The following ZC3H13 variants were observed in gnomAD, a reference collection of about 807,000 sequenced individuals.
The protein encoded by ZC3H13 is zinc finger CCCH-type containing 13.
In ZC3H13, 64 loss-of-function variants were observed where a neutral mutation model predicts 204.1. That is an observed-to-expected ratio of 0.31 (90% confidence interval 0.26 to 0.39). ZC3H13 has a LOEUF of 0.39. Ranked by LOEUF, ZC3H13 falls within the 10% of genes least tolerant of loss-of-function variation. The probability of loss-of-function intolerance (pLI) is 1.00; values close to 1 mark genes in which losing one functional copy is unlikely to be tolerated. For synonymous variants in ZC3H13, 667 were observed against 693.7 expected (o/e 0.96, Z 0.60); for missense variants, 1,833 against 2,082.7 (o/e 0.88, Z 2.33).
intron 15 of ZC3H13, among the ~76,000 whole-genome samples, chr13:45,966,446 A>G (rs1952092677): frequency 6.6e-6 from 1 of 152,132 alleles, no homozygotes; most frequent in African/African-American, 2.4e-5. Context: ...ACATAATAGG[A>G]TTTTCAACTT....
At position 45,958,325 on chromosome 13, in the gene ZC3H13, G is replaced by T. The variant is rs146746686; in HGVS notation, c.4840-1028C>A. Among the ~76,000 whole-genome samples, 5 of 152,256 alleles carry T rather than the reference G, an allele frequency of 3.3e-5. No homozygotes were observed. In the South Asian group the frequency reaches 6.2e-4, roughly 19 times the overall value. ...CCTAACTGCCCCAAGTAAAAAGCTA[G>T]TGAAGTTAACCATTTTATCATTACT... is the stretch of plus-strand genomic sequence containing the variant. On this transcript the variant is annotated intron_variant, in intron 18 of 18. Coordinates refer to ENST00000679008, the MANE Select transcript of ZC3H13 (RefSeq NM_001330564.2).
intron 12 of ZC3H13, among the ~76,000 whole-genome samples, chr13:45,973,283 T>TA (rs1286538475): frequency 6.6e-6 from 1 of 152,216 alleles, no homozygotes; most frequent in Admixed American, 6.5e-5. Flanking sequence ...TAAGAGCAGT[T>TA]AAAAAAAGTG....
rs976431396 is a variant in ZC3H13, at chr13:46,045,005, G to A, written c.177C>T (p.Phe59=). The part of the protein sequence containing the change: ...GNCLYGNTCR[F]VHGPSPRGKG... The stretch of plus-strand genomic sequence containing the variant: ...TACCACGAGGTGAAGGGCCATGTAC[G>A]AATCTACATGTGTTTCCATAGAGGC... The change falls in exon 3 of 19, where the codon TTC becomes TTT. Residue 59 remains phenylalanine, a synonymous_variant. Transcript: ENST00000679008. 5.0e-6 allele frequency: 8 copies of A among 1,613,426 alleles called. No homozygotes were observed. Among genetic ancestry groups the A allele is most frequent in the African/African-American group, 1.3e-5 (1 of 74,960 alleles).
intron 4 of ZC3H13, 31 bp downstream of exon 4, chr13:46,042,133 T>C (rs1253405660): frequency 6.4e-7 from 1 of 1,552,700 alleles, no homozygotes; most frequent in Non-Finnish European, 8.9e-7. Context: ...ACTACTGAAG[T>C]TGAACTTTGT....
intron 1 of ZC3H13, among the ~76,000 whole-genome samples, chr13:46,046,590 C>A (rs1335755697): frequency 6.6e-6 from 1 of 151,282 alleles, no homozygotes; most frequent in Non-Finnish European, 1.5e-5. Flanking sequence ...ATAGCATGAA[C>A]CCAGGAGGCA....
chr13:45,966,736 G>C (rs1593459749), intron 15 of ZC3H13, among the ~76,000 whole-genome samples: 1 of 152,178 alleles, frequency 6.6e-6, no homozygotes, highest in South Asian at 2.1e-4. Context: ...AATGTGAAGA[G>C]ATGAATTTGA....
At chr13:45,962,038 T>G in intron 17 of ZC3H13, 1 of 369,092 alleles carries the variant, frequency 2.7e-6, no homozygotes, top group Non-Finnish European at 3.7e-6. Flanking sequence ...TCTTTCATGT[T>G]GGTACACTTG....
rs758846200 is a variant in ZC3H13, at chr13:45,969,028, G to T, written c.3516C>A (p.His1172Gln). ...RTRVEKVETP[H>Q]VTIEDAQHRK... is the part of the protein sequence containing the mutation. ...GATGCTGTGCATCTTCTATAGTCAC[G>T]TGAGGCGTCTCTACTTTTTCTACTC... Residue 1172 changes from histidine (H) to glutamine (Q), a missense_variant, in exon 14 of 19, where the codon CAC becomes CAA. Around this residue, in one of 5 missense-constraint regions of ZC3H13, gnomAD observed 1,574 missense variants for 1,757.2 expected, o/e 0.90. Transcript: ENST00000679008. 6.2e-7 allele frequency: 1 copy of T among 1,614,176 alleles called. No homozygotes were observed.
chr13:46,006,175 C>T (rs970533158), intron 7 of ZC3H13, among the ~76,000 whole-genome samples: 1 of 151,858 alleles, frequency 6.6e-6, no homozygotes, highest in Non-Finnish European at 1.5e-5. Flanking sequence ...GGAACTGACT[C>T]AGCACAAGAA....
At position 45,969,954 on chromosome 13, in the gene ZC3H13, A is replaced by G. The variant is rs760230567; in HGVS notation, c.2590T>C (p.Leu864=). Residue 864 remains leucine, a synonymous_variant, in exon 14 of 19, where the codon TTG becomes CTG. Transcript: ENST00000679008. ...GDDKNEKHRL[L]SQVVRPQESR... is the part of the protein sequence containing the mutation. ...TCTTGAGGTCGTACAACTTGGCTCA[A>G]GAGTCTGTGTTTTTCATCTATATAA... 2.1e-5 allele frequency: 34 copies of G among 1,609,592 alleles called. No homozygotes were observed. The highest frequency in any genetic ancestry group is 2.7e-5 in the Non-Finnish European group (32 of 1,178,982).
Position 45,970,374 on chromosome 13 carries a change from C to A in ZC3H13, c.2560G>T (p.Gly854Ter). The A allele has an allele frequency of 6.2e-7, 1 of 1,613,662 alleles. No individual in the cohort carries two copies. The highest frequency in any genetic ancestry group is 8.5e-7 in the Non-Finnish European group (1 of 1,179,726). Residue 854 changes from glycine to a stop codon, truncating the protein, a stop_gained, in exon 13 of 19, where the codon GGA becomes TGA. Transcript: ENST00000679008. LOFTEE classifies it high-confidence loss of function. ...HSPDSDAYNS[G>*]DDKNEKHRLL... The stretch of plus-strand genomic sequence containing the variant: ...AGAGTCTGCTTACTTTTATCATCTC[C>A]ACTGTTGTAGGCATCACTGTCCGGA...
chr13:46,001,645 A>G (rs951944414), intron 8 of ZC3H13, among the ~76,000 whole-genome samples: 2 of 152,172 alleles, frequency 1.3e-5, no homozygotes, highest in Non-Finnish European at 2.9e-5. Context: ...TACCATTTAA[A>G]TGATAAACTA....
At position 45,980,026 on chromosome 13, in the gene ZC3H13, A is replaced by T. The variant is rs191853031; in HGVS notation, c.1721-22T>A. 1.8e-5 allele frequency: 28 copies of T among 1,572,262 alleles called. No individual in the cohort carries two copies. The South Asian group carries it at 2.9e-4, about 16-fold the overall frequency. ...CTTCCTAAACAAAGGATAGACACACAAATGTTTACCACATACACTTTATTC... is the reference window on the plus strand; with the variant it reads ...CTTCCTAAACAAAGGATAGACACACTAATGTTTACCACATACACTTTATTC... On this transcript the variant is annotated intron_variant, in intron 10 of 18. Coordinates refer to ENST00000679008, the MANE Select transcript of ZC3H13 (RefSeq NM_001330564.2).
chr13:46,029,980 A>C (rs2042791923), intron 4 of ZC3H13, among the ~76,000 whole-genome samples: 1 of 152,212 alleles, frequency 6.6e-6, no homozygotes, highest in South Asian at 2.1e-4. Context: ...TAATTTTAAA[A>C]GTCAAACTTA....
chr13:45,983,303 A>G (rs1042012630), intron 10 of ZC3H13, among the ~76,000 whole-genome samples: 7 of 149,440 alleles, frequency 4.7e-5, no homozygotes, highest in African/African-American at 7.5e-5. Context: ...CCTTAACACA[A>G]TAAAAAGTAT....
Position 45,964,035 on chromosome 13 carries a change from T to A in ZC3H13, c.4482A>T (p.Leu1494Phe), listed in dbSNP as rs1375523150. The A allele has an allele frequency of 3.7e-6, 6 of 1,608,850 alleles. No individual in the cohort carries two copies. The highest frequency in any genetic ancestry group is 5.1e-6 in the Non-Finnish European group (6 of 1,178,584). The change falls in exon 17 of 19, where the codon TTA becomes TTT. Residue 1494 changes from leucine (L) to phenylalanine (F), a missense_variant. Coordinates refer to ENST00000679008, the MANE Select transcript of ZC3H13 (RefSeq NM_001330564.2). ...CAGACCAATCCACATCTATCACATC[T>A]AAGGGATCTGTAAAAAGTTAAAAAG... ...QQDEEKMPDP[L>F]DVIDVDWSGL...
At chr13:45,999,953 C>T (rs1292225388) in intron 8 of ZC3H13, among the ~76,000 whole-genome samples, 2 of 152,170 alleles carry the variant, frequency 1.3e-5, no homozygotes, top group Non-Finnish European at 2.9e-5. Flanking sequence ...ACAGGCACAT[C>T]ATAAACAAAC....
At position 45,968,950 on chromosome 13, in the gene ZC3H13, G is replaced by C; in HGVS notation, c.3594C>G (p.Asn1198Lys). 6.2e-7 allele frequency: 1 copy of C among 1,614,198 alleles called. No individual in the cohort carries two copies. Among genetic ancestry groups the C allele is most frequent in the Non-Finnish European group, 8.5e-7 (1 of 1,180,038 alleles). The change falls in exon 14 of 19, where the codon AAC becomes AAG. Residue 1198 changes from asparagine to lysine, a missense_variant. Asn to Lys is a moderately conservative substitution (Grantham distance 94). Around this residue, in one of 5 missense-constraint regions of ZC3H13, gnomAD observed 1,574 missense variants for 1,757.2 expected, o/e 0.90. Coordinates refer to ENST00000679008, the MANE Select transcript of ZC3H13 (RefSeq NM_001330564.2). ...GAAGACGACCAGACGTATGACTACG[G>C]TTACTCCGATTGCTCCCGAGGCTGC... ...RSSSLGSNRS[N>K]RSHTSGRLRS...
chr13:45,959,488 C>G lies in ZC3H13; in HGVS notation c.4834G>C (p.Glu1612Gln). 1 of 1,540,786 alleles carries G rather than the reference C, an allele frequency of 6.5e-7. No homozygotes were observed. The highest frequency in any genetic ancestry group is 8.7e-7 in the Non-Finnish European group (1 of 1,143,284). ...TTCCAAGGAAATAACAGTACCTTCTCATTTTTAACAAGCTGCTTTCGAATT... is the reference window on the plus strand; with the variant it reads ...TTCCAAGGAAATAACAGTACCTTCTGATTTTTAACAAGCTGCTTTCGAATT... Reference protein sequence around the residue: ...SAIRKQLVKNEKGTIKQAYTS... With the variant: ...SAIRKQLVKNQKGTIKQAYTS... The change falls in exon 18 of 19, where the codon GAG becomes CAG. Residue 1612 changes from glutamate (E) to glutamine (Q), a missense_variant. Glu to Gln is a conservative substitution (Grantham distance 29). Around this residue, in one of 5 missense-constraint regions of ZC3H13, gnomAD observed 211 missense variants for 228.4 expected, o/e 0.92. Transcript: ENST00000679008.
Sources: allele counts gnomAD v4.1 joint callset (sites outside exome capture counted in the v4.1 genomes callset), GRCh38; gene constraint gnomAD v4.1.1; regional missense constraint gnomAD v4.1.1; transcripts MANE v1.5; gene names NCBI Gene and HGNC (gene_info 2026-07-23, HGNC 2026-07-21).